The following ZNF676 variants were observed in gnomAD, a reference collection of about 807,000 sequenced individuals.
ZNF676 encodes the protein zinc finger protein 676.
In ZNF676, 4 loss-of-function variants were observed where a neutral mutation model predicts 6.0. The observed-to-expected ratio is 0.67, with a 90% CI of 0.33 to 1.53. The LOEUF is 1.53. Ranked by LOEUF, ZNF676 falls within the 40% of genes most tolerant of loss-of-function variation. ZNF676 has a pLI of 0.06. For synonymous variants in ZNF676, 198 were observed against 223.1 expected (o/e 0.89, Z 1.00); for missense variants, 644 against 679.7 (o/e 0.95, Z 0.58).
the ZNF676 span, among the ~76,000 whole-genome samples, chr19:22,254,087 A>G: frequency 2.0e-5 from 3 of 152,224 alleles, no homozygotes; most frequent in Non-Finnish European, 4.4e-5. Flanking sequence ...TGAGCAGCAG[A>G]TTCACATCAC....
At chr19:22,225,120 T>A in the ZNF676 span, among the ~76,000 whole-genome samples, 1 of 152,228 alleles carries the variant, frequency 6.6e-6, no homozygotes, top group Non-Finnish European at 1.5e-5. Context: ...CTGCCCATTT[T>A]ACCCTCTCTC....
the ZNF676 span, among the ~76,000 whole-genome samples, chr19:22,227,991 C>T: frequency 6.6e-6 from 1 of 152,164 alleles, no homozygotes; most frequent in Non-Finnish European, 1.5e-5. Context: ...AGAGGGACTC[C>T]TCCCTAGCTC....
chr19:22,187,453 TA>T (rs145055927), intron 2 of ZNF676, among the ~76,000 whole-genome samples: 2,655 of 151,830 alleles, frequency 0.017, 47 homozygotes, highest in African/African-American at 0.039. Context: ...AAATCACAAT[TA>T]AAAGAACTAG....
At chr19:22,250,577 C>A in the ZNF676 span, among the ~76,000 whole-genome samples, 1 of 152,046 alleles carries the variant, frequency 6.6e-6, no homozygotes, top group Non-Finnish European at 1.5e-5. Context: ...CATTACCCTG[C>A]CCACCTGTTT....
chr19:22,234,962 G>GAGAAAGAAAGAAAGAA, the ZNF676 span, among the ~76,000 whole-genome samples: 53 of 101,340 alleles, frequency 5.2e-4, no homozygotes, highest in Non-Finnish European at 4.9e-4. Flanking sequence ...AAGAAAGCAA[G>GAGAAAGAAAGAAAGAA]AGAAAGAAAG....
chr19:22,235,725 A>G, the ZNF676 span, among the ~76,000 whole-genome samples: 1 of 152,218 alleles, frequency 6.6e-6, no homozygotes, highest in Admixed American at 6.5e-5. Flanking sequence ...AAAAGCAAAA[A>G]GCGATAGAGG....
chr19:22,219,556 TAGAA>T (rs1324285827), upstream of ZNF676, among the ~76,000 whole-genome samples: 1 of 152,214 alleles, frequency 6.6e-6, no homozygotes, highest in African/African-American at 2.4e-5. Flanking sequence ...CTGTGTTGAA[TAGAA>T]GTGGTGAGAG....
At chr19:22,254,857 C>T in the ZNF676 span, among the ~76,000 whole-genome samples, 1 of 152,184 alleles carries the variant, frequency 6.6e-6, no homozygotes, top group Admixed American at 6.5e-5. Context: ...TGTAGTCTCA[C>T]ACCACCTAGA....
the ZNF676 span, among the ~76,000 whole-genome samples, chr19:22,227,178 A>T: frequency 6.6e-6 from 1 of 152,330 alleles, no homozygotes; most frequent in Non-Finnish European, 1.5e-5. Context: ...ACCACAGTGC[A>T]ATCAAATTAA....
the ZNF676 span, among the ~76,000 whole-genome samples, chr19:22,246,302 A>G: frequency 6.6e-6 from 1 of 151,978 alleles, no homozygotes; most frequent in Non-Finnish European, 1.5e-5. Context: ...CACAAGAGGA[A>G]AGTCATGTAA....
chr19:22,200,951 G>C (rs2024019767), upstream of ZNF676, among the ~76,000 whole-genome samples: 1 of 152,098 alleles, frequency 6.6e-6, no homozygotes, highest in South Asian at 2.1e-4. Flanking sequence ...CCAGGGATCT[G>C]TTCTGGACAT....
chr19:22,205,630 C>G (rs2024069719), intron 1 of ZNF676, among the ~76,000 whole-genome samples: 1 of 152,050 alleles, frequency 6.6e-6, no homozygotes. Flanking sequence ...AAATACAACA[C>G]ACCAGAATCT....
At chr19:22,231,599 A>T in the ZNF676 span, among the ~76,000 whole-genome samples, 386 of 66,936 alleles carry the variant, frequency 5.8e-3, 4 homozygotes, top group African/African-American at 0.031. Context: ...CTTTAGCTGT[A>T]TCTTTATTTA....
In ZNF676 at chr19:22,193,012, C is replaced by T. The variant is rs768307257; in HGVS notation, c.130+4G>A. ...TCATGTTGTCTGTATTCACTCTCAC[C>T]TACCTGGGGGTTCTTCCACCATCTC... On this transcript the variant is annotated splice_donor_region_variant and intron_variant, in intron 2 of 2. Transcript: ENST00000397121. 6.2e-6 allele frequency: 10 copies of T among 1,603,704 alleles called. No homozygotes were observed. The highest frequency in any genetic ancestry group is 1.4e-5 in the African/African-American group (1 of 73,904).
the ZNF676 span, among the ~76,000 whole-genome samples, chr19:22,235,147 G>A: frequency 1.2e-4 from 17 of 147,454 alleles, no homozygotes; most frequent in African/African-American, 3.3e-4. Flanking sequence ...AAGGAAGGAA[G>A]GAAGGAAAGA....
chr19:22,185,633 G>T (rs2023827542), intron 2 of ZNF676, among the ~76,000 whole-genome samples: 1 of 152,054 alleles, frequency 6.6e-6, no homozygotes, highest in Non-Finnish European at 1.5e-5. Flanking sequence ...TAAGAACCTT[G>T]AAAAAAGGTT....
At chr19:22,209,794 G>C (rs983308256) in intron 1 of ZNF676, among the ~76,000 whole-genome samples, 1 of 152,170 alleles carries the variant, frequency 6.6e-6, no homozygotes, top group Admixed American at 6.5e-5. Flanking sequence ...ATGAATCCTA[G>C]GCTGGTGGAG....
chr19:22,181,655 A>C, intron 2 of ZNF676, 69 bp from the exon 3 acceptor site: 1 of 1,246,884 alleles, frequency 8.0e-7, no homozygotes, highest in Non-Finnish European at 1.1e-6. Flanking sequence ...TCCAAATCTA[A>C]CCTATAAAAT....
At chr19:22,239,024 T>A in the ZNF676 span, among the ~76,000 whole-genome samples, 483 of 152,202 alleles carry the variant, frequency 3.2e-3, 2 homozygotes, top group African/African-American at 0.011. Context: ...TTCAATCCAG[T>A]CACGTTGACA....
Sources: allele counts gnomAD v4.1 joint callset (sites outside exome capture counted in the v4.1 genomes callset), GRCh38; gene constraint gnomAD v4.1.1; transcripts MANE v1.5; gene names NCBI Gene and HGNC (gene_info 2026-07-23, HGNC 2026-07-21).